Variants in EMILIN2 observed in about 807,000 individuals in gnomAD.
The protein encoded by EMILIN2 is elastin microfibril interfacer 2.
EMILIN2 carries 71 observed loss-of-function variants against 87.1 expected under a neutral mutation model. The observed-to-expected ratio is 0.82, with a 90% confidence interval of 0.67 to 0.99. EMILIN2 has a LOEUF of 0.99. EMILIN2 is among the 50% of genes least tolerant of loss of function. EMILIN2 has a pLI of 0.00. For missense variants in EMILIN2, 1,407 were observed against 1,371.8 expected, an observed-to-expected ratio of 1.03 and a Z score of -0.40; for synonymous variants, 581 against 563.4, an observed-to-expected ratio of 1.03 and a Z score of -0.44.
chr18:2,893,628 C>G (rs980355808), intron 4 of EMILIN2, among the ~76,000 whole-genome samples: 2 of 152,198 alleles, frequency 1.3e-5, no homozygotes, highest in Admixed American at 1.3e-4. Flanking sequence ...GGTTTGTACT[C>G]TGAGACAGCC....
rs775372902 is a variant in EMILIN2, at chr18:2,891,828, C to G, written c.1701C>G (p.Ala567=). 1 of 1,614,256 alleles carries G rather than the reference C, an allele frequency of 6.2e-7. No homozygotes were observed. Among genetic ancestry groups the G allele is most frequent in the South Asian group, 1.1e-5 (1 of 91,084 alleles). ...IQGKPHGMEG[A]LPNREDRAVR... ...GAAAGCCTCATGGGATGGAAGGTGC[C>G]TTGCCAAACAGGGAAGACCGCGCAG... Residue 567 remains alanine (A), a synonymous_variant, in exon 4 of 8, where the codon GCC becomes GCG. Coordinates refer to ENST00000254528, the MANE Select transcript of EMILIN2 (RefSeq NM_032048.3). This position sits in a 1 kb window ranked among gnomAD's most constrained non-coding sequence, Gnocchi z 4.6.
rs1301679874 is a variant in EMILIN2 at position 2,898,307 on chromosome 18, CG to C, written c.2359+5823del. On this transcript the variant is annotated intron_variant, in intron 4 of 7. Coordinates refer to ENST00000254528, the MANE Select transcript of EMILIN2 (RefSeq NM_032048.3). ...CCCTGCCTGGGACCCAGGACTAGCC[CG>C]GCCTGCAGCCCAGTGGCAGCAGCAT... Among the ~76,000 whole-genome samples, 4 of 152,216 alleles carry C rather than the reference CG, an allele frequency of 2.6e-5. No individual in the cohort carries two copies. The East Asian group carries it at 7.7e-4, about 29-fold the overall frequency.
At chr18:2,885,276 C>T in intron 3 of EMILIN2, 137 bp downstream of exon 3, 1 of 925,604 alleles carries the variant, frequency 1.1e-6, no homozygotes, top group Non-Finnish European at 1.5e-6. Context: ...GCAGTAGCCA[C>T]ATGTGACAAA....
chr18:2,883,335 C>T (rs778000782), intron 2 of EMILIN2, among the ~76,000 whole-genome samples: 27 of 152,116 alleles, frequency 1.8e-4, no homozygotes, highest in Non-Finnish European at 3.5e-4. Flanking sequence ...TGGGTAACCC[C>T]GCTGCTGCTA....
intron 3 of EMILIN2, among the ~76,000 whole-genome samples, chr18:2,889,692 C>CTTTTTTTTTTTTT (rs34248672): frequency 4.9e-4 from 47 of 96,538 alleles, no homozygotes; most frequent in African/African-American, 6.1e-4. Context: ...TTTTTCTTTT[C>CTTTTTTTTTTTTT]TTTTTTTTTT....
At chr18:2,872,408 T>C (rs2143996508) in intron 2 of EMILIN2, among the ~76,000 whole-genome samples, 1 of 152,290 alleles carries the variant, frequency 6.6e-6, no homozygotes, top group African/African-American at 2.4e-5. Context: ...AAAAAATTCA[T>C]ATGGGGTCCC....
chr18:2,869,786 T>TTGTGTGTGTGTGTGTGTG (rs777623155), intron 2 of EMILIN2, among the ~76,000 whole-genome samples: 38 of 59,158 alleles, frequency 6.4e-4, no homozygotes, highest in African/African-American at 2.1e-3. Context: ...GTGTGTGTGT[T>TTGTGTGTGTGTGTGTGTG]TGTGTGTGTG....
chr18:2,887,577 A>G (rs556012402), intron 3 of EMILIN2, among the ~76,000 whole-genome samples: 2 of 152,118 alleles, frequency 1.3e-5, no homozygotes, highest in East Asian at 1.9e-4. Flanking sequence ...CTCTCTTACC[A>G]TGTGACACAC....
chr18:2,909,405 C>CACACGCACAT (rs1491412284), intron 6 of EMILIN2, among the ~76,000 whole-genome samples: 1 of 151,806 alleles, frequency 6.6e-6, no homozygotes, highest in African/African-American at 2.4e-5. Flanking sequence ...TGCACACACT[C>CACACGCACAT]ACACGCACAT....
intron 2 of EMILIN2, among the ~76,000 whole-genome samples, chr18:2,859,538 C>T (rs556310156): frequency 1.1e-4 from 17 of 152,192 alleles, no homozygotes; most frequent in Non-Finnish European, 2.2e-4. Context: ...ACCCTGCTGA[C>T]TGTTCCTTTT....
Position 2,892,047 on chromosome 18 carries a change from G to C in EMILIN2, c.1920G>C (p.Met640Ile). 1 of 1,614,238 alleles carries C rather than the reference G, an allele frequency of 6.2e-7. No individual in the cohort carries two copies. Among genetic ancestry groups the C allele is most frequent in the Non-Finnish European group, 8.5e-7 (1 of 1,180,044 alleles). ...GTAGAGCAGGTGAAAACGCTGGCAT[G>C]GGTAGGTTCACTAAGGTGGGTGAGC... ...SNCRAGENAGMGRFTKVGEQE... is the reference protein window; with the variant it reads ...SNCRAGENAGIGRFTKVGEQE... The change falls in exon 4 of 8, where the codon ATG becomes ATC. Residue 640 changes from methionine to isoleucine, a missense_variant. Met to Ile is a conservative substitution (Grantham distance 10, BLOSUM62 1). Transcript: ENST00000254528.
intron 4 of EMILIN2, among the ~76,000 whole-genome samples, chr18:2,905,528 A>G (rs2076906445): frequency 6.6e-6 from 1 of 151,924 alleles, no homozygotes; most frequent in Non-Finnish European, 1.5e-5. Flanking sequence ...AATGTGCAAA[A>G]GATAATTGCT....
At chr18:2,876,505 G>A (rs1471760530) in intron 2 of EMILIN2, among the ~76,000 whole-genome samples, 4 of 147,052 alleles carry the variant, frequency 2.7e-5, no homozygotes, top group African/African-American at 7.5e-5. Context: ...GGTGGCTCAC[G>A]CCTGTAATCC....
At position 2,847,115 on chromosome 18, in the gene EMILIN2, G is replaced by A; in HGVS notation, c.-74G>A. Reference sequence around the variant, plus strand: ...TTCGCGGGCGGCGCCCTGGCCGCCGGCAGCCTTGTGGCCGGTGCCCCGATC... The same window carrying A: ...TTCGCGGGCGGCGCCCTGGCCGCCGACAGCCTTGTGGCCGGTGCCCCGATC... On this transcript the variant is annotated 5_prime_UTR_variant, in exon 1 of 8. Coordinates refer to ENST00000254528, the MANE Select transcript of EMILIN2 (RefSeq NM_032048.3). This position sits in a 1 kb window ranked among gnomAD's most constrained non-coding sequence, Gnocchi z 4.5. The A allele has an allele frequency of 1.9e-6, 2 of 1,074,702 alleles. No individual in the cohort carries two copies. The highest frequency in any genetic ancestry group is 1.7e-5 in the African/African-American group (1 of 58,442). 66.6% of individuals were successfully genotyped at this position (1,074,702 alleles called of 1,614,324 possible).
chr18:2,858,161 T>A (rs1568453670), intron 2 of EMILIN2, among the ~76,000 whole-genome samples: 2 of 152,200 alleles, frequency 1.3e-5, no homozygotes, highest in East Asian at 3.9e-4. Flanking sequence ...TTTTCTTTTT[T>A]ATTTTTTTTT....
At position 2,914,490 on chromosome 18, in the gene EMILIN2, A is replaced by G. The variant is rs1021394078; in HGVS notation, c.*1086A>G. On this transcript the variant is annotated 3_prime_UTR_variant, in exon 8 of 8. Coordinates refer to ENST00000254528, the MANE Select transcript of EMILIN2 (RefSeq NM_032048.3). ...CGCTGACAGCTGAGCCCATCTGAGA[A>G]CACGGCATCTTCACACAGCGAGACG... 4 of 152,194 alleles carry G rather than the reference A, an allele frequency of 2.6e-5. No individual in the cohort carries two copies. Among genetic ancestry groups the G allele is most frequent in the Admixed American group, 2.0e-4 (3 of 15,280 alleles). 9.4% of individuals were successfully genotyped at this position (152,194 alleles called of 1,614,324 possible).
chr18:2,906,806 G>T lies in EMILIN2; in HGVS notation c.2383G>T (p.Ala795Ser). The T allele has an allele frequency of 7.7e-7, 1 of 1,298,248 alleles. No homozygotes were observed. The highest frequency in any genetic ancestry group is 2.4e-5 in the South Asian group (1 of 41,198). The allele number at this position is 1,298,248 out of a possible 1,614,324, so 80.4% of individuals were successfully genotyped here. ...SAKAPSPPPP[A>S]EAPKEPLQPE... is the part of the protein sequence containing the mutation. ...AGAGGCGCCCTCGCCCCCGCCGCCC[G>T]CAGAGGCCCCGAAGGAGCCGCTGCA... The change falls in exon 5 of 8, where the codon GCA becomes TCA. Residue 795 changes from alanine to serine, a missense_variant. By Grantham distance (99) the Ala-to-Ser change is moderately conservative (BLOSUM62 1). Coordinates refer to ENST00000254528, the MANE Select transcript of EMILIN2 (RefSeq NM_032048.3).
At chr18:2,864,803 G>T (rs1021840859) in intron 2 of EMILIN2, among the ~76,000 whole-genome samples, 3 of 152,072 alleles carry the variant, frequency 2.0e-5, no homozygotes, top group Non-Finnish European at 4.4e-5. Flanking sequence ...ATAATATCCT[G>T]CAGAGTGTTT....
intron 2 of EMILIN2, among the ~76,000 whole-genome samples, chr18:2,863,552 A>C (rs908215978): frequency 2.0e-5 from 3 of 152,192 alleles, no homozygotes; most frequent in Non-Finnish European, 4.4e-5. Flanking sequence ...CTTAATCCTG[A>C]GTTCTAGTTT....
Sources: gnomAD v4.1 joint callset for allele counts (sites outside exome capture counted in the v4.1 genomes callset) on GRCh38, gnomAD v4.1.1 for gene constraint, Gnocchi (gnomAD v3.1) non-coding constraint, MANE v1.5 for transcripts, NCBI Gene and HGNC (gene_info 2026-07-23, HGNC 2026-07-21) for gene names.